Variants in SLC8A2 observed in about 807,000 individuals in gnomAD.
SLC8A2 encodes sodium/calcium exchanger 2.
Under a neutral mutation model 70.2 loss-of-function variants are expected in SLC8A2, and 14 were observed. That is an observed-to-expected ratio of 0.20 (90% CI 0.13 to 0.31). The LOEUF (loss-of-function observed/expected upper bound fraction) is 0.31. SLC8A2 is among the 10% of genes least tolerant of loss of function. The pLI is 1.00. For missense variants in SLC8A2, 779 were observed against 1,320.1 expected (o/e 0.59, Z 6.35); for synonymous variants, 575 against 594.3 (o/e 0.97, Z 0.47).
chr19:47,451,363 C>G (rs1417654573), intron 3 of SLC8A2, among the ~76,000 whole-genome samples: 1 of 151,894 alleles, frequency 6.6e-6, no homozygotes, highest in African/African-American at 2.4e-5. Context: ...AGCTGGAGTG[C>G]AGTTGCACAA....
rs1159511989 is a variant in SLC8A2, at chr19:47,437,830, T to C, written c.2010+19A>G. The C allele has an allele frequency of 6.2e-6, 10 of 1,613,930 alleles. No homozygotes were observed. Among genetic ancestry groups the C allele is most frequent in the Admixed American group, 1.7e-5 (1 of 60,002 alleles). ...TGAACCAGGCTGGACTCCAGGAAGG[T>C]GAGGCCCCGGAAAATCACCTTAAAA... On this transcript the variant is annotated intron_variant, in intron 7 of 9. Coordinates refer to ENST00000236877, the MANE Select transcript of SLC8A2 (RefSeq NM_015063.3).
intron 2 of SLC8A2, among the ~76,000 whole-genome samples, chr19:47,463,413 G>A (rs1308528121): frequency 3.4e-5 from 5 of 148,866 alleles, no homozygotes; most frequent in East Asian, 4.1e-4. Context: ...GATTACAGGC[G>A]TGAGCCACAG....
chr19:47,458,633 T>C, intron 2 of SLC8A2, among the ~76,000 whole-genome samples: 1 of 127,274 alleles, frequency 7.9e-6, no homozygotes, highest in African/African-American at 3.0e-5. Flanking sequence ...TCCCCCCATC[T>C]CTTTCTATCT....
Position 47,447,608 on chromosome 19 carries a change from AGCCCCGCCCAC to A in SLC8A2, c.1763+190_1763+200del. The stretch of plus-strand genomic sequence containing the variant: ...TCCTGAGGGCCCAGCTGTTCAGTGA[AGCCCCGCCCAC>A]GTCGTGGGCATGGGTCACAGGCCCC... On this transcript the variant is annotated intron_variant, in intron 4 of 9. Coordinates refer to ENST00000236877, the MANE Select transcript of SLC8A2 (RefSeq NM_015063.3). This position sits in a 1 kb window ranked among gnomAD's most constrained non-coding sequence, Gnocchi z 5.1. 1 of 600,062 alleles carries A rather than the reference AGCCCCGCCCAC, an allele frequency of 1.7e-6. No individual in the cohort carries two copies. Among genetic ancestry groups the A allele is most frequent in the Non-Finnish European group, 2.8e-6 (1 of 360,096 alleles). 37.2% of individuals were successfully genotyped at this position (600,062 alleles called of 1,614,324 possible). A position where few individuals can be genotyped will look rare whatever the true frequency, so the allele number is the denominator to read the frequency against.
intron 1 of SLC8A2, among the ~76,000 whole-genome samples, chr19:47,470,348 TACACACACACAC>T (rs71180846): frequency 3.9e-4 from 54 of 139,410 alleles, no homozygotes; most frequent in Admixed American, 2.8e-3. Context: ...GGAGACATCA[TACACACACACAC>T]ACACACACAC....
At position 47,462,586 on chromosome 19, in the gene SLC8A2, CTT is replaced by C. The variant is rs542630404; in HGVS notation, c.675+3141_675+3142del. On this transcript the variant is annotated intron_variant, in intron 2 of 9. Coordinates refer to ENST00000236877, the MANE Select transcript of SLC8A2 (RefSeq NM_015063.3). Reference sequence around the variant, plus strand: ...GCCTATGTATATCTTTTTTAAATTTCTTTTTTTTTTTTTTTTTCTGAGATGGA... The same window carrying C: ...GCCTATGTATATCTTTTTTAAATTTCTTTTTTTTTTTTTTTCTGAGATGGA... Among the ~76,000 whole-genome samples, 700 of 117,378 alleles carry C rather than the reference CTT, an allele frequency of 6.0e-3. 7 individuals carry two copies. The highest frequency in any genetic ancestry group is 0.02 in the African/African-American group (652 of 31,838). 77.0% of individuals were successfully genotyped at this position (117,378 alleles called of 152,430 possible).
chr19:47,458,132 G>T (rs952760737), intron 2 of SLC8A2, among the ~76,000 whole-genome samples: 2 of 151,892 alleles, frequency 1.3e-5, no homozygotes, highest in African/African-American at 4.8e-5. Flanking sequence ...GATTACAGGC[G>T]TGAGCCCTGT....
chr19:47,469,233 C>T (rs767082462), intron 1 of SLC8A2, among the ~76,000 whole-genome samples: 42 of 151,932 alleles, frequency 2.8e-4, no homozygotes, highest in African/African-American at 9.4e-4. Flanking sequence ...CCTAATGATA[C>T]GTCTAATTAG....
In SLC8A2 at chr19:47,432,327, G is replaced by C. The variant is rs760790893; in HGVS notation, c.2229C>G (p.Thr743=). 1.9e-6 allele frequency: 3 copies of C among 1,613,534 alleles called. No individual in the cohort carries two copies. Among genetic ancestry groups the C allele is most frequent in the Non-Finnish European group, 2.5e-6 (3 of 1,180,042 alleles). The change falls in exon 9 of 10, where the codon ACC becomes ACG. Residue 743 remains threonine, a synonymous_variant. Coordinates refer to ENST00000236877, the MANE Select transcript of SLC8A2 (RefSeq NM_015063.3). The surrounding 1 kb of genome is among the most constrained non-coding windows in gnomAD (Gnocchi z 6.2). ...WKVLFACVPP[T]EYCHGWACFG... ...AGCAGGCCCAGCCGTGGCAGTACTC[G>C]GTGGGGGGCACACAGGCGAAGAGCA...
chr19:47,438,237 C>G (rs1967056355), intron 6 of SLC8A2, among the ~76,000 whole-genome samples: 1 of 152,116 alleles, frequency 6.6e-6, no homozygotes. Flanking sequence ...ATACCTGAGC[C>G]TCTCTGTGCC....
At chr19:47,445,937 G>A (rs1967156086) in intron 4 of SLC8A2, among the ~76,000 whole-genome samples, 2 of 152,236 alleles carry the variant, frequency 1.3e-5, no homozygotes, top group South Asian at 2.1e-4. Flanking sequence ...CAGAGAGAGA[G>A]AAGGAAAGGT....
intron 8 of SLC8A2, among the ~76,000 whole-genome samples, chr19:47,433,897 G>A (rs1263391919): frequency 6.6e-6 from 1 of 152,128 alleles, no homozygotes; most frequent in African/African-American, 2.4e-5. Flanking sequence ...GCCCTCCTAG[G>A]CCTCCCAAAG....
chr19:47,458,554 TCA>T (rs1967346990), intron 2 of SLC8A2, among the ~76,000 whole-genome samples: 1 of 133,674 alleles, frequency 7.5e-6, no homozygotes, highest in African/African-American at 2.9e-5. Flanking sequence ...TTAGTTTCTC[TCA>T]ACCTCCCTCT....
At position 47,429,871 on chromosome 19, in the gene SLC8A2, G is replaced by A; in HGVS notation, c.*218C>T. ...TGGGCTGGAGTTGGGGTCACCGCAG[G>A]GGAGGAACCGGGGAGGCTCCCGAGA... On this transcript the variant is annotated 3_prime_UTR_variant, in exon 10 of 10. Coordinates refer to ENST00000236877, the MANE Select transcript of SLC8A2 (RefSeq NM_015063.3). 1 of 600,312 alleles carries A rather than the reference G, an allele frequency of 1.7e-6. No individual in the cohort carries two copies. The highest frequency in any genetic ancestry group is 1.9e-5 in the African/African-American group (1 of 53,764). The allele number at this position is 600,312 out of a possible 1,614,324, so 37.2% of individuals were successfully genotyped here. A position where few individuals can be genotyped will look rare whatever the true frequency, so the allele number is the denominator to read the frequency against.
In SLC8A2 at chr19:47,468,734, C is replaced by G. The variant is rs868704718; in HGVS notation, c.-16-2315G>C. 6.6e-6 allele frequency among the ~76,000 whole-genome samples: 1 copy of G among 152,124 alleles called. No individual in the cohort carries two copies. The highest frequency in any genetic ancestry group is 1.5e-5 in the Non-Finnish European group (1 of 68,026). ...CATTCCACAGGTGAGAGGACCAAGG[C>G]GCAGAGAGGTTACGGAACTTGCCCA... On this transcript the variant is annotated intron_variant, in intron 1 of 9. Transcript: ENST00000236877. The surrounding 1 kb of genome is among the most constrained non-coding windows in gnomAD (Gnocchi z 5.1).
chr19:47,469,266 T>C (rs1339018778), intron 1 of SLC8A2, among the ~76,000 whole-genome samples: 3 of 152,006 alleles, frequency 2.0e-5, no homozygotes, highest in Non-Finnish European at 4.4e-5. Context: ...TAGCAACAAC[T>C]TAGGCATAAT....
At chr19:47,433,944 G>T (rs1029022193) in intron 8 of SLC8A2, among the ~76,000 whole-genome samples, 3 of 152,180 alleles carry the variant, frequency 2.0e-5, no homozygotes, top group African/African-American at 7.2e-5. Context: ...GTGCCCAGCC[G>T]ACCTGCAGTG....
intron 3 of SLC8A2, among the ~76,000 whole-genome samples, chr19:47,449,087 C>T (rs535363304): frequency 2.6e-5 from 4 of 152,264 alleles, no homozygotes; most frequent in South Asian, 2.1e-4. Context: ...GTTGGGGGAA[C>T]GGCACCAATA....
At chr19:47,435,960 G>A (rs1967024066) in intron 8 of SLC8A2, among the ~76,000 whole-genome samples, 1 of 152,140 alleles carries the variant, frequency 6.6e-6, no homozygotes, top group Admixed American at 6.5e-5. Flanking sequence ...TCCCCAGTGT[G>A]TTCAAATGCC....
Sources: gnomAD v4.1 joint callset for allele counts (sites outside exome capture counted in the v4.1 genomes callset) on GRCh38, gnomAD v4.1.1 for gene constraint, Gnocchi (gnomAD v3.1) non-coding constraint, MANE v1.5 for transcripts, NCBI Gene and HGNC (gene_info 2026-07-23, HGNC 2026-07-21) for gene names.